Variants in CUBN observed in about 807,000 individuals in gnomAD.
CUBN encodes the protein cubilin.
Under a neutral mutation model 405.3 loss-of-function variants are expected in CUBN, and 282 were observed. That is an observed-to-expected ratio of 0.70 (90% CI 0.63 to 0.77). The LOEUF is 0.77. Ranked by LOEUF, CUBN falls within the 30% of genes least tolerant of loss-of-function variation. The pLI, the probability that CUBN is intolerant of heterozygous loss-of-function variation, is 0.00. For synonymous variants in CUBN, 1,684 were observed against 1,617.0 expected (o/e 1.04, Z -0.99); for missense variants, 4,514 against 4,475.2 (o/e 1.01, Z -0.25).
chr10:16,886,256 A>C (rs1287954576), intron 56 of CUBN, among the ~76,000 whole-genome samples: 1 of 152,244 alleles, frequency 6.6e-6, no homozygotes, highest in African/African-American at 2.4e-5. Context: ...AAAAAGGATT[A>C]AGTGAGACAA....
intron 17 of CUBN, 103 bp downstream of exon 17, chr10:17,084,168 T>C: frequency 8.9e-7 from 1 of 1,120,836 alleles, no homozygotes; most frequent in Non-Finnish European, 1.4e-6. Context: ...CTCTCAGGTA[T>C]TCTGGCTGCT....
At chr10:16,901,557 T>C (rs1841372076) in intron 51 of CUBN, 98 bp from the exon 52 acceptor site, 1 of 1,508,768 alleles carries the variant, frequency 6.6e-7, no homozygotes, top group South Asian at 1.2e-5. Context: ...GATTTTGTGA[T>C]TAAAAACATA....
rs147878491 is a variant in CUBN, at chr10:17,084,311, T to C, written c.2261A>G (p.Glu754Gly). Residue 754 changes from glutamate to glycine, a missense_variant, in exon 17 of 67, where the codon GAG (glutamate) becomes GGG (glycine). Glu to Gly is a moderately conservative substitution (Grantham distance 98). This residue lies in a region of CUBN where 1,448 missense variants were observed against 1,388.0 expected (regional missense o/e 1.04). Transcript: ENST00000377833. The stretch of plus-strand genomic sequence containing the variant: ...AGAACTGTCACTCTGGCATTGCAGC[T>C]CCACGTGGGTGAAGTTGATTTGTAT... ...EQIQINFTHV[E>G]LQCQSDSSQN... is the part of the protein sequence containing the mutation. 3 of 1,614,112 alleles carry C rather than the reference T, an allele frequency of 1.9e-6. No homozygotes were observed. Among genetic ancestry groups the C allele is most frequent in the Non-Finnish European group, 2.5e-6 (3 of 1,180,020 alleles).
At chr10:16,936,544 TA>T (rs1324288643) in intron 39 of CUBN, among the ~76,000 whole-genome samples, 2 of 152,206 alleles carry the variant, frequency 1.3e-5, no homozygotes, top group African/African-American at 4.8e-5. Context: ...GCTAATCTTT[TA>T]AGTCATAGAA....
At chr10:16,959,829 T>C (rs572635294) in intron 31 of CUBN, among the ~76,000 whole-genome samples, 99 of 152,312 alleles carry the variant, frequency 6.5e-4, no homozygotes, top group African/African-American at 2.4e-3. Flanking sequence ...GATATTACTA[T>C]TGGATACACA....
chr10:16,955,514 T>C (rs1843036192), intron 31 of CUBN, among the ~76,000 whole-genome samples: 1 of 151,790 alleles, frequency 6.6e-6, no homozygotes. Context: ...CTATGTCACA[T>C]ATACCTGAAA....
At chr10:17,062,581 A>G (rs1835526393) in intron 22 of CUBN, among the ~76,000 whole-genome samples, 1 of 152,216 alleles carries the variant, frequency 6.6e-6, no homozygotes, top group Non-Finnish European at 1.5e-5. Context: ...TTTCCCAGGC[A>G]CATCTGGATA....
At chr10:17,108,654 A>G (rs1014221697) in intron 10 of CUBN, among the ~76,000 whole-genome samples, 14 of 152,134 alleles carry the variant, frequency 9.2e-5, no homozygotes, top group African/African-American at 3.1e-4. Flanking sequence ...CATGTACTTG[A>G]CAATTTTTAA....
At chr10:16,956,429 A>G (rs561761150) in intron 31 of CUBN, among the ~76,000 whole-genome samples, 122 of 152,176 alleles carry the variant, frequency 8.0e-4, no homozygotes, top group African/African-American at 2.9e-3. Context: ...AATTCAAATT[A>G]TAATTTCCAA....
intron 27 of CUBN, among the ~76,000 whole-genome samples, chr10:17,022,966 C>T (rs183436747): frequency 2.6e-5 from 4 of 152,298 alleles, no homozygotes; most frequent in African/African-American, 4.8e-5. Flanking sequence ...ATGTGTCTTA[C>T]GGAATACTAG....
Position 16,855,708 on chromosome 10 carries a change from G to C in CUBN, c.9455-4265C>G, listed in dbSNP as rs947739114. Among the ~76,000 whole-genome samples, 4 of 152,156 alleles carry C rather than the reference G, an allele frequency of 2.6e-5. No homozygotes were observed. In the East Asian group the frequency reaches 5.8e-4, roughly 22 times the overall value. ...CTAATACACACAACTAATATTAATA[G>C]CTTGTTTGAGCTATCAAACTATAAT... is the stretch of plus-strand genomic sequence containing the variant. On this transcript the variant is annotated intron_variant, in intron 59 of 66. Transcript: ENST00000377833.
chr10:16,981,703 C>A (rs1308154173), intron 31 of CUBN, among the ~76,000 whole-genome samples: 2 of 152,174 alleles, frequency 1.3e-5, no homozygotes, highest in African/African-American at 4.8e-5. Context: ...TCGTTCACCC[C>A]GGTTCCTGCA....
At position 17,045,232 on chromosome 10, in the gene CUBN, G is replaced by A. The variant is rs186070539; in HGVS notation, c.3491-44C>T. On this transcript the variant is annotated intron_variant, in intron 24 of 66. Transcript: ENST00000377833. ...GAATGACACACACCCCTTTCCTTCT[G>A]GGGAAATTGAATCTTTTTGTCTGCA... The A allele has an allele frequency of 2.1e-3, 3,361 of 1,588,330 alleles. 6 individuals are homozygous for A. The highest frequency in any genetic ancestry group is 0.011 in the Middle Eastern group (55 of 4,888).
chr10:17,019,964 T>C lies in CUBN; in HGVS notation c.4037A>G (p.Gln1346Arg), dbSNP rs777546744. The C allele has an allele frequency of 3.1e-6, 5 of 1,614,170 alleles. No individual in the cohort carries two copies. In the South Asian group the frequency reaches 5.5e-5, roughly 18 times the overall value. ...DYLELYDGPR[Q>R]MGRYCGVDLP... ...GTCTACTCCACAGTAGCGTCCCATC[T>C]GCCGTGGTCCATCATAGAGCTGAAA... Residue 1346 changes from glutamine to arginine, a missense_variant, in exon 28 of 67, where the codon CAG (glutamine) becomes CGG (arginine). By Grantham distance (43) the Gln-to-Arg change is conservative (BLOSUM62 1). Around this residue, in one of 5 missense-constraint regions of CUBN, gnomAD observed 242 missense variants for 309.0 expected, o/e 0.78. Coordinates refer to ENST00000377833, the MANE Select transcript of CUBN (RefSeq NM_001081.4).
intron 31 of CUBN, among the ~76,000 whole-genome samples, chr10:16,976,729 A>G (rs1331568373): frequency 2.0e-5 from 3 of 151,944 alleles, no homozygotes; most frequent in African/African-American, 7.3e-5. Flanking sequence ...AACCTCTCTT[A>G]TATATTTTTC....
chr10:17,016,838 C>T lies in CUBN; in HGVS notation c.4168+2995G>A, dbSNP rs577191495. 4.6e-5 allele frequency among the ~76,000 whole-genome samples: 7 copies of T among 152,258 alleles called. No homozygotes were observed. In the East Asian group the frequency reaches 1.2e-3, roughly 25 times the overall value. ...AGGTCCTCCTGTGGGATGTAAATTGCAAGCTTTGCATAGTTGTGTATTCAC... is the reference window on the plus strand; with the variant it reads ...AGGTCCTCCTGTGGGATGTAAATTGTAAGCTTTGCATAGTTGTGTATTCAC... On this transcript the variant is annotated intron_variant, in intron 28 of 66. Coordinates refer to ENST00000377833, the MANE Select transcript of CUBN (RefSeq NM_001081.4).
chr10:16,855,990 A>G (rs891617611), intron 59 of CUBN, among the ~76,000 whole-genome samples: 4 of 152,176 alleles, frequency 2.6e-5, no homozygotes, highest in African/African-American at 9.7e-5. Flanking sequence ...GATCAATATT[A>G]ACAAAAGAAG....
intron 48 of CUBN, among the ~76,000 whole-genome samples, chr10:16,913,198 A>G (rs1024584528): frequency 6.6e-6 from 1 of 152,216 alleles, no homozygotes; most frequent in African/African-American, 2.4e-5. Context: ...AGTTGGGTGG[A>G]TAAATTTACT....
intron 14 of CUBN, among the ~76,000 whole-genome samples, chr10:17,092,555 C>T (rs1335275650): frequency 6.6e-6 from 1 of 152,130 alleles, no homozygotes; most frequent in Non-Finnish European, 1.5e-5. Flanking sequence ...TCAAACACCA[C>T]CAAAACCAAG....
Sources: gnomAD v4.1 joint callset for allele counts (sites outside exome capture counted in the v4.1 genomes callset) on GRCh38, gnomAD v4.1.1 for gene constraint, gnomAD v4.1.1 regional missense constraint, MANE v1.5 for transcripts, NCBI Gene and HGNC (gene_info 2026-07-23, HGNC 2026-07-21) for gene names.